Variants in SOX6 observed in about 807,000 individuals in gnomAD.
The protein encoded by SOX6 is SRY-box transcription factor 6, also known as transcription factor SOX-6.
SOX6 carries 11 observed loss-of-function variants against 97.8 expected under a neutral mutation model. The ratio of observed to expected loss-of-function variants is 0.11; its 90% CI spans 0.07 to 0.19. SOX6 has a LOEUF of 0.19. Ranked by LOEUF, SOX6 falls within the 10% of genes least tolerant of loss-of-function variation. The pLI is 1.00. For synonymous variants in SOX6, 360 were observed against 371.4 expected (o/e 0.97, Z 0.35); for missense variants, 810 against 1,039.5 (o/e 0.78, Z 3.04).
At chr11:16,710,591 T>C (rs1451496070) in intron 3 of SOX6, among the ~76,000 whole-genome samples, 2 of 123,018 alleles carry the variant, frequency 1.6e-5, no homozygotes, top group African/African-American at 3.2e-5. Context: ...TATTAAGAGT[T>C]ACTACCTCTT....
intron 3 of SOX6, among the ~76,000 whole-genome samples, chr11:16,284,166 G>T (rs1854664283): frequency 6.6e-6 from 1 of 151,968 alleles, no homozygotes. Flanking sequence ...TAGAGAACTG[G>T]GTGTTCATGC....
At position 16,019,021 on chromosome 11, in the gene SOX6, A is replaced by T. The variant is rs372603627; in HGVS notation, c.1624-3971T>A. ...GTTTCAGTAGTAGAGTGGATTGTGT[A>T]CTTAAATAACAGTTTGCTTGCCAGA... On this transcript the variant is annotated intron_variant, in intron 12 of 15. Coordinates refer to ENST00000683767, the MANE Select transcript of SOX6 (RefSeq NM_001367873.1). 1.0e-3 allele frequency among the ~76,000 whole-genome samples: 152 copies of T among 152,266 alleles called. 3 individuals carry two copies. The South Asian group carries it at 0.03, about 30-fold the overall frequency.
intron 12 of SOX6, among the ~76,000 whole-genome samples, chr11:16,038,655 C>T (rs1421812862): frequency 6.6e-6 from 1 of 151,982 alleles, no homozygotes; most frequent in Non-Finnish European, 1.5e-5. Flanking sequence ...GTATTGAGCC[C>T]TGGTTATCTT....
intron 2 of SOX6, among the ~76,000 whole-genome samples, chr11:16,725,391 G>A (rs1431302581): frequency 2.0e-5 from 3 of 152,020 alleles, no homozygotes; most frequent in Non-Finnish European, 4.4e-5. Context: ...TGGGTGTGGT[G>A]GTGCGCACCT....
chr11:16,396,794 G>A (rs1051567108), intron 1 of SOX6, among the ~76,000 whole-genome samples: 3 of 151,470 alleles, frequency 2.0e-5, no homozygotes, highest in Admixed American at 6.6e-5. Flanking sequence ...TTCTATAACA[G>A]GAGGAGCAGT....
At chr11:16,549,149 T>C (rs1053221781) in intron 4 of SOX6, among the ~76,000 whole-genome samples, 1 of 152,140 alleles carries the variant, frequency 6.6e-6, no homozygotes, top group African/African-American at 2.4e-5. Flanking sequence ...ACAGTACTAA[T>C]AGAAGTCTAC....
chr11:16,654,384 C>G (rs1406058320), intron 3 of SOX6, among the ~76,000 whole-genome samples: 1 of 152,156 alleles, frequency 6.6e-6, no homozygotes, highest in Non-Finnish European at 1.5e-5. Context: ...GTTGCCCAGG[C>G]TGGTCTCAAA....
chr11:16,464,472 C>T (rs1859990627), intron 1 of SOX6, among the ~76,000 whole-genome samples: 1 of 148,654 alleles, frequency 6.7e-6, no homozygotes. Context: ...AAAGGAAGGA[C>T]AGAAGGGAGG....
intron 3 of SOX6, among the ~76,000 whole-genome samples, chr11:16,286,537 C>T (rs1854748757): frequency 6.6e-6 from 1 of 152,030 alleles, no homozygotes; most frequent in African/African-American, 2.4e-5. Context: ...TTCAATATAA[C>T]TAAGATATCT....
At chr11:16,048,838 C>T (rs1368937326) in intron 11 of SOX6, among the ~76,000 whole-genome samples, 1 of 151,870 alleles carries the variant, frequency 6.6e-6, no homozygotes, top group Non-Finnish European at 1.5e-5. Context: ...AAGAGTATAA[C>T]AAATTAAGAG....
chr11:16,448,578 A>G (rs997852822), intron 1 of SOX6, among the ~76,000 whole-genome samples: 1 of 152,164 alleles, frequency 6.6e-6, no homozygotes, highest in South Asian at 2.1e-4. Context: ...CTTTCATATG[A>G]CTTTCTTCTG....
intron 15 of SOX6, among the ~76,000 whole-genome samples, chr11:15,981,686 T>G (rs1853660548): frequency 6.6e-6 from 1 of 152,108 alleles, no homozygotes; most frequent in African/African-American, 2.4e-5. Context: ...GTAATTGTAT[T>G]TTATAGGTGT....
At chr11:16,185,227 C>T (rs1565005173) in intron 5 of SOX6, among the ~76,000 whole-genome samples, 1 of 152,146 alleles carries the variant, frequency 6.6e-6, no homozygotes, top group Non-Finnish European at 1.5e-5. Context: ...TGAGACTCCT[C>T]CTTGTCAGAG....
At chr11:16,285,753 G>T (rs541595742) in intron 3 of SOX6, among the ~76,000 whole-genome samples, 1 of 152,002 alleles carries the variant, frequency 6.6e-6, no homozygotes, top group Non-Finnish European at 1.5e-5. Context: ...ATACTTCTGA[G>T]ATGTTGCCTG....
chr11:16,665,273 T>C (rs1313951881), intron 3 of SOX6, among the ~76,000 whole-genome samples: 1 of 151,982 alleles, frequency 6.6e-6, no homozygotes, highest in Non-Finnish European at 1.5e-5. Context: ...TGTTCTTCAG[T>C]GGTATTTCTG....
At chr11:16,337,327 C>T (rs1325095293) in intron 2 of SOX6, among the ~76,000 whole-genome samples, 1 of 152,086 alleles carries the variant, frequency 6.6e-6, no homozygotes, top group Admixed American at 6.6e-5. Flanking sequence ...AGATCACCAA[C>T]AATATATAAG....
chr11:16,362,253 C>T (rs1430643536), intron 1 of SOX6, among the ~76,000 whole-genome samples: 1 of 152,162 alleles, frequency 6.6e-6, no homozygotes, highest in African/African-American at 2.4e-5. Context: ...TTTCATCTCT[C>T]TTTCTCTACT....
intron 1 of SOX6, among the ~76,000 whole-genome samples, chr11:16,380,432 C>T (rs1259113831): frequency 1.3e-5 from 2 of 151,778 alleles, no homozygotes; most frequent in Non-Finnish European, 2.9e-5. Flanking sequence ...CTGACTTTTT[C>T]CAATAACCAT....
At chr11:16,550,650 C>T (rs540869383) in intron 4 of SOX6, among the ~76,000 whole-genome samples, 39 of 151,754 alleles carry the variant, frequency 2.6e-4, no homozygotes, top group Non-Finnish European at 4.1e-4. Context: ...AAGCAAAAAC[C>T]GCAACAGTGT....
Sources: gnomAD v4.1 joint callset for allele counts (sites outside exome capture counted in the v4.1 genomes callset) on GRCh38, gnomAD v4.1.1 for gene constraint, MANE v1.5 for transcripts, NCBI Gene and HGNC (gene_info 2026-07-23, HGNC 2026-07-21) for gene names.